LOXHD1: variants seen among roughly 807,000 people sequenced by gnomAD.
The protein encoded by LOXHD1 is lipoxygenase homology domain-containing protein 1.
A neutral mutation model predicts 248.2 loss-of-function variants in LOXHD1; 205 were observed. The ratio of observed to expected loss-of-function variants is 0.83; its 90% CI spans 0.74 to 0.93. The LOEUF (loss-of-function observed/expected upper bound fraction) is 0.93, where lower values mean the gene tolerates loss of function less well. Among genes scored for constraint, LOXHD1 ranks in the 40% least tolerant of loss-of-function variants. The probability of loss-of-function intolerance (pLI) is 0.00; values close to 1 mark genes in which losing one functional copy is unlikely to be tolerated. For missense variants in LOXHD1, 2,930 were observed against 2,971.6 expected (o/e 0.99, Z 0.33); for synonymous variants, 1,113 against 1,162.8 (o/e 0.96, Z 0.87).
intron 21 of LOXHD1, among the ~76,000 whole-genome samples, chr18:46,553,483 T>C (rs535404756): frequency 4.0e-4 from 61 of 152,352 alleles, no homozygotes; most frequent in African/African-American, 1.3e-3. Flanking sequence ...ACTGAGCAGC[T>C]AGTTAACCCC....
rs1386125275 is a variant in LOXHD1 at position 46,524,865 on chromosome 18, T to C, written c.4583A>G (p.Lys1528Arg). The C allele has an allele frequency of 9.0e-6, 14 of 1,551,642 alleles. No individual in the cohort carries two copies. The highest frequency in any genetic ancestry group is 1.1e-5 in the Non-Finnish European group (13 of 1,147,012). ...AADLGVIYKI[K>R]LRHDNSKWCA... ...CCACTTGGAGTTGTCATGGCGGAGCTTGATCTTGTAGATGACGCCTAGGTC... is the reference window on the plus strand; with the variant it reads ...CCACTTGGAGTTGTCATGGCGGAGCCTGATCTTGTAGATGACGCCTAGGTC... The change falls in exon 30 of 41, where the codon AAG becomes AGG. Residue 1528 changes from lysine to arginine, a missense_variant. Coordinates refer to ENST00000642948, the MANE Select transcript of LOXHD1 (RefSeq NM_001384474.1).
intron 2 of LOXHD1, among the ~76,000 whole-genome samples, chr18:46,648,604 G>A (rs183977077): frequency 4.6e-5 from 7 of 152,284 alleles, no homozygotes; most frequent in East Asian, 1.9e-4. Context: ...GAAAGGATCC[G>A]AAGGAGACAA....
intron 4 of LOXHD1, among the ~76,000 whole-genome samples, chr18:46,632,758 A>G (rs1192070566): frequency 6.6e-6 from 1 of 152,198 alleles, no homozygotes; most frequent in African/African-American, 2.4e-5. Flanking sequence ...CCAGCCTTCC[A>G]CAGGCCCCAG....
chr18:46,611,533 C>T (rs1725960547), intron 5 of LOXHD1, among the ~76,000 whole-genome samples: 1 of 152,174 alleles, frequency 6.6e-6, no homozygotes, highest in Non-Finnish European at 1.5e-5. Context: ...CAAATTTTAA[C>T]CTGTTCTTTC....
intron 2 of LOXHD1, among the ~76,000 whole-genome samples, chr18:46,648,888 A>G (rs926755419): frequency 3.3e-5 from 5 of 152,216 alleles, no homozygotes; most frequent in Non-Finnish European, 5.9e-5. Flanking sequence ...AGGAACAGCT[A>G]ATATGGGACA....
chr18:46,494,637 C>T (rs2033710600), intron 37 of LOXHD1, among the ~76,000 whole-genome samples: 1 of 152,124 alleles, frequency 6.6e-6, no homozygotes, highest in African/African-American at 2.4e-5. Context: ...GATCAGGTTG[C>T]AGTCTCAGCA....
rs189368678 is a variant in LOXHD1, at chr18:46,519,235, C to T, written c.5272-979G>A. On this transcript the variant is annotated intron_variant, in intron 33 of 40. Coordinates refer to ENST00000642948, the MANE Select transcript of LOXHD1 (RefSeq NM_001384474.1). ...GCTCAGACACACGGTTGGGGAAGGG[C>T]CATCTTGACTGTCTCCTTTGAACGT... 1.0e-4 allele frequency: 32 copies of T among 315,226 alleles called. No homozygotes were observed. The East Asian group carries it at 5.0e-3, about 49-fold the overall frequency. 19.5% of individuals were successfully genotyped at this position (315,226 alleles called of 1,614,324 possible).
intron 17 of LOXHD1, 22 bp from the exon 18 acceptor site, chr18:46,563,247 A>G: frequency 6.8e-7 from 1 of 1,476,230 alleles, no homozygotes; most frequent in Non-Finnish European, 9.1e-7. Flanking sequence ...CGTGCAGAAG[A>G]AGTGGAACAT....
chr18:46,597,797 C>A (rs976592824), intron 8 of LOXHD1, among the ~76,000 whole-genome samples: 3 of 151,178 alleles, frequency 2.0e-5, no homozygotes, highest in South Asian at 2.1e-4. Context: ...CGCTCTGTTG[C>A]CCAGGCTGGA....
chr18:46,533,028 C>G, intron 28 of LOXHD1, 134 bp downstream of exon 28: 1 of 919,150 alleles, frequency 1.1e-6, no homozygotes, highest in East Asian at 2.7e-5. Flanking sequence ...CTCAGTGGCC[C>G]TCTCTAGAGA....
chr18:46,604,334 C>T, intron 6 of LOXHD1, 105 bp from the exon 7 acceptor site: 1 of 1,433,314 alleles, frequency 7.0e-7, no homozygotes, highest in Non-Finnish European at 9.4e-7. Context: ...TAAGAATGTA[C>T]TGATATCTGT....
chr18:46,555,202 T>A, intron 21 of LOXHD1: 1 of 470,888 alleles, frequency 2.1e-6, no homozygotes, highest in Non-Finnish European at 4.4e-6. Flanking sequence ...ACTTTTTCCT[T>A]TCCAAGCTTA....
At chr18:46,651,530 C>T (rs1406503646) in intron 1 of LOXHD1, among the ~76,000 whole-genome samples, 2 of 151,570 alleles carry the variant, frequency 1.3e-5, no homozygotes, top group Admixed American at 6.6e-5. Flanking sequence ...ACATAGACAC[C>T]GGAGAATGCT....
chr18:46,601,236 C>T lies in LOXHD1; in HGVS notation c.1115G>A (p.Arg372Lys), dbSNP rs762360492. The change falls in exon 8 of 41, where the codon AGA becomes AAA. Residue 372 changes from arginine to lysine, a missense_variant. Physicochemically the swap from Arg to Lys is conservative, Grantham distance 26 (BLOSUM62 2). Coordinates refer to ENST00000642948, the MANE Select transcript of LOXHD1 (RefSeq NM_001384474.1). ...SVGHGNVGVN[R>K]GWFCEKVVIL... ...CCTTACCTTCTCACAGAACCAGCCTCTGTTGACACCCACATTGCCATGCCC... is the reference window on the plus strand; with the variant it reads ...CCTTACCTTCTCACAGAACCAGCCTTTGTTGACACCCACATTGCCATGCCC... 1 of 1,551,596 alleles carries T rather than the reference C, an allele frequency of 6.4e-7. No individual in the cohort carries two copies. Among genetic ancestry groups the T allele is most frequent in the South Asian group, 1.2e-5 (1 of 84,060 alleles).
intron 8 of LOXHD1, among the ~76,000 whole-genome samples, chr18:46,598,353 A>T (rs1259272740): frequency 2.0e-5 from 3 of 152,172 alleles, no homozygotes; most frequent in South Asian, 2.1e-4. Flanking sequence ...ACTTGCAAAA[A>T]AATCAACCAA....
rs761438585 is a variant in LOXHD1, at chr18:46,518,210, C to A, written c.5318G>T (p.Gly1773Val). The change falls in exon 34 of 41, where the codon GGC (glycine) becomes GTC (valine). Residue 1773 changes from glycine to valine, a missense_variant. By Grantham distance (109) the Gly-to-Val change is moderately radical. Transcript: ENST00000642948. ...TVWTGDVVGG[G>V]TDSNIFMTLY... is the part of the protein sequence containing the mutation. ...GGTCATGAAGATGTTGGAGTCAGTG[C>A]CCCCGCCAACCACATCCCCTGTCCA... 1 of 1,551,486 alleles carries A rather than the reference C, an allele frequency of 6.4e-7. No homozygotes were observed. Among genetic ancestry groups the A allele is most frequent in the Non-Finnish European group, 8.7e-7 (1 of 1,146,966 alleles).
At chr18:46,641,834 G>T (rs1447535658) in intron 3 of LOXHD1, 122 bp downstream of exon 3, 1 of 932,256 alleles carries the variant, frequency 1.1e-6, no homozygotes, top group African/African-American at 1.6e-5. Flanking sequence ...GAAAGATTTG[G>T]GCCTTTGGTA....
chr18:46,505,884 C>T lies in LOXHD1; in HGVS notation c.5832G>A (p.Leu1944=). The T allele has an allele frequency of 6.4e-7, 1 of 1,551,814 alleles. No individual in the cohort carries two copies. Among genetic ancestry groups the T allele is most frequent in the South Asian group, 1.2e-5 (1 of 84,060 alleles). The change falls in exon 37 of 41, where the codon CTG becomes CTA. Residue 1944 remains leucine (L), a synonymous_variant. Transcript: ENST00000642948. ...TCAGCTTGCAGAGGTGGCCCAAGCT[C>T]AGCATGTCAGGGAAGTTGAATGTGT... The part of the protein sequence containing the change: ...NTDTFNFPDM[L]SLGHLCKLRV...
chr18:46,610,777 T>G lies in LOXHD1; in HGVS notation c.758A>C (p.Gln253Pro), dbSNP rs1283966255. 2 of 1,550,546 alleles carry G rather than the reference T, an allele frequency of 1.3e-6. No homozygotes were observed. The highest frequency in any genetic ancestry group is 2.4e-5 in the East Asian group (1 of 40,900). The change falls in exon 6 of 41, where the codon CAG becomes CCG. Residue 253 changes from glutamine to proline, a missense_variant and splice_region_variant. Physicochemically the swap from Gln to Pro is moderately conservative, Grantham distance 76. Transcript: ENST00000642948. ...CTGCAGAGAAGCAGCTGAACTCACC[T>G]GGGACAGGAACCAACCTGCAGAGCC... The part of the protein sequence containing the change: ...KGGSAGWFLS[Q>P]IVIEDIGNKR...
Sources: gnomAD v4.1 joint callset for allele counts (sites outside exome capture counted in the v4.1 genomes callset) on GRCh38, gnomAD v4.1.1 for gene constraint, MANE v1.5 for transcripts, NCBI Gene and HGNC (gene_info 2026-07-23, HGNC 2026-07-21) for gene names.